Variants in SORCS3 observed in about 807,000 individuals in gnomAD.
SORCS3 encodes VPS10 domain-containing receptor SorCS3.
Under a neutral mutation model 146.3 loss-of-function variants are expected in SORCS3, and 57 were observed. The ratio of observed to expected loss-of-function variants is 0.39; its 90% CI spans 0.31 to 0.49. The LOEUF is 0.49. SORCS3 is among the 20% of genes least tolerant of loss of function. The pLI is 0.92. For synonymous variants in SORCS3, 653 were observed against 618.5 expected, an observed-to-expected ratio of 1.06 and a Z score of -0.83; for missense variants, 1,341 against 1,575.5, an observed-to-expected ratio of 0.85 and a Z score of 2.52.
chr10:104,825,426 T>C (rs1035903100), intron 1 of SORCS3, among the ~76,000 whole-genome samples: 1 of 152,232 alleles, frequency 6.6e-6, no homozygotes, highest in Non-Finnish European at 1.5e-5. Flanking sequence ...GCTTTCACTT[T>C]TTCTCAAAGA....
At chr10:105,120,036 A>G (rs905348588) in intron 7 of SORCS3, among the ~76,000 whole-genome samples, 2 of 152,138 alleles carry the variant, frequency 1.3e-5, no homozygotes, top group Non-Finnish European at 2.9e-5. Context: ...TCCAAATTTC[A>G]TCTTGAATTA....
At chr10:104,742,776 G>C (rs2016863557) in intron 1 of SORCS3, among the ~76,000 whole-genome samples, 1 of 152,102 alleles carries the variant, frequency 6.6e-6, no homozygotes, top group Admixed American at 6.5e-5. Flanking sequence ...GGAGACTCAG[G>C]GCAGTCAGTG....
At chr10:104,958,601 T>C (rs1018307990) in intron 3 of SORCS3, among the ~76,000 whole-genome samples, 2 of 152,032 alleles carry the variant, frequency 1.3e-5, no homozygotes, top group Non-Finnish European at 2.9e-5. Context: ...GCTTTGAAGA[T>C]GGAAGGGGCC....
chr10:104,879,817 G>A (rs945939225), intron 2 of SORCS3, among the ~76,000 whole-genome samples: 6 of 152,188 alleles, frequency 3.9e-5, no homozygotes, highest in African/African-American at 4.8e-5. Context: ...TCAGACCCAC[G>A]CTTCCCCTTG....
chr10:105,079,346 G>T (rs1199566623), intron 5 of SORCS3, among the ~76,000 whole-genome samples: 3 of 152,190 alleles, frequency 2.0e-5, no homozygotes, highest in African/African-American at 7.2e-5. Flanking sequence ...CCCGGGTCAT[G>T]AGCTTTCACA....
chr10:104,642,013 GGTGGGT>G, intron 1 of SORCS3, 59 bp downstream of exon 1: 3 of 1,404,038 alleles, frequency 2.1e-6, no homozygotes, highest in South Asian at 2.7e-5. Context: ...GGAATGGGGG[GGTGGGT>G]GGGAGCGAGG....
intron 1 of SORCS3, among the ~76,000 whole-genome samples, chr10:104,761,803 A>G (rs974281027): frequency 4.6e-5 from 7 of 152,168 alleles, no homozygotes; most frequent in African/African-American, 1.4e-4. Flanking sequence ...AAGCGTTGAC[A>G]TGATACAAAG....
rs1564793651 is a variant in SORCS3, at chr10:105,242,596, G to GTATATATATTTATATATA, written c.2869-2945_2869-2944insATATATATTTATATATAT. ...TATATATTTATATATATTTATATAT[G>GTATATATATTTATATATA]TTTATATACATTTATATATATTTAT... On this transcript the variant is annotated intron_variant, in intron 20 of 26. Transcript: ENST00000369701. 1.6e-4 allele frequency among the ~76,000 whole-genome samples: 11 copies of GTATATATATTTATATATA among 69,554 alleles called. No individual in the cohort carries two copies. In the East Asian group the frequency reaches 5.3e-3, roughly 34 times the overall value. The allele number at this position is 69,554 out of a possible 152,430, so 45.6% of individuals were successfully genotyped here. A position where few individuals can be genotyped will look rare whatever the true frequency, so the allele number is the denominator to read the frequency against.
At chr10:104,779,879 G>A (rs2017353589) in intron 1 of SORCS3, among the ~76,000 whole-genome samples, 1 of 152,214 alleles carries the variant, frequency 6.6e-6, no homozygotes, top group African/African-American at 2.4e-5. Flanking sequence ...ATTGGTGAGG[G>A]CGGTGTATGT....
chr10:104,973,585 T>C (rs913590287), intron 3 of SORCS3, among the ~76,000 whole-genome samples: 14 of 150,620 alleles, frequency 9.3e-5, no homozygotes, highest in African/African-American at 3.4e-4. Flanking sequence ...TTCTTCTCTC[T>C]TTTTTTCTTT....
At chr10:104,859,724 A>G in intron 2 of SORCS3, among the ~76,000 whole-genome samples, 1 of 152,212 alleles carries the variant, frequency 6.6e-6, no homozygotes, top group Non-Finnish European at 1.5e-5. Context: ...ATTTACAAGA[A>G]AAAAGCAAAC....
chr10:105,007,874 C>G (rs1405016558), intron 4 of SORCS3, among the ~76,000 whole-genome samples: 3 of 152,162 alleles, frequency 2.0e-5, no homozygotes, highest in Non-Finnish European at 2.9e-5. Context: ...AGGACATAAG[C>G]TAGAACTCCA....
chr10:105,158,589 G>C (rs1332919244), intron 10 of SORCS3, among the ~76,000 whole-genome samples: 3 of 152,052 alleles, frequency 2.0e-5, no homozygotes, highest in Non-Finnish European at 4.4e-5. Context: ...GGTCAAGGAG[G>C]CTTCATAAAG....
chr10:104,904,346 G>A lies in SORCS3; in HGVS notation c.696-11487G>A, dbSNP rs118125607. On this transcript the variant is annotated intron_variant, in intron 2 of 26. Coordinates refer to ENST00000369701, the MANE Select transcript of SORCS3 (RefSeq NM_014978.3). Reference sequence around the variant, plus strand: ...TACATTGTTAATAGAAGTGCAGACTGGCCAGAGTATGTCTGTAAGGCACTT... The same window carrying A: ...TACATTGTTAATAGAAGTGCAGACTAGCCAGAGTATGTCTGTAAGGCACTT... 2.9e-3 allele frequency among the ~76,000 whole-genome samples: 442 copies of A among 152,278 alleles called. 1 individual carries two copies. Among genetic ancestry groups the A allele is most frequent in the Non-Finnish European group, 5.4e-3 (364 of 68,018 alleles).
chr10:104,840,999 G>A lies in SORCS3; in HGVS notation c.628-1793G>A, dbSNP rs1267290627. On this transcript the variant is annotated intron_variant, in intron 1 of 26. Coordinates refer to ENST00000369701, the MANE Select transcript of SORCS3 (RefSeq NM_014978.3). ...TGCTTTTACACGGTGACTTTAAGAA[G>A]GACTTGGTACATGAAATAAGGTCAA... 1.4e-4 allele frequency among the ~76,000 whole-genome samples: 22 copies of A among 152,128 alleles called. 1 individual carries two copies. The highest frequency in any genetic ancestry group is 1.4e-3 in the Admixed American group (22 of 15,274).
chr10:105,201,306 T>G, intron 16 of SORCS3, 53 bp downstream of exon 16: 2 of 1,552,598 alleles, frequency 1.3e-6, no homozygotes, highest in Non-Finnish European at 1.7e-6. Flanking sequence ...CACCTGTCTG[T>G]GGGGTGGGGT....
At chr10:104,905,171 T>C (rs766636258) in intron 2 of SORCS3, among the ~76,000 whole-genome samples, 27 of 152,340 alleles carry the variant, frequency 1.8e-4, no homozygotes, top group Non-Finnish European at 3.1e-4. Context: ...ATGATGTGCA[T>C]GTAACACAGC....
chr10:104,773,935 T>C (rs2017279966), intron 1 of SORCS3, among the ~76,000 whole-genome samples: 1 of 152,164 alleles, frequency 6.6e-6, no homozygotes, highest in Non-Finnish European at 1.5e-5. Context: ...AAAGGTAGAC[T>C]CTCCCACCCT....
intron 4 of SORCS3, among the ~76,000 whole-genome samples, chr10:105,038,180 G>C (rs1293319926): frequency 6.6e-6 from 1 of 152,160 alleles, no homozygotes; most frequent in African/African-American, 2.4e-5. Flanking sequence ...CTGGGAGAGG[G>C]TATCATGTGG....
Sources: gnomAD v4.1 joint callset for allele counts (sites outside exome capture counted in the v4.1 genomes callset) on GRCh38, gnomAD v4.1.1 for gene constraint, MANE v1.5 for transcripts, NCBI Gene and HGNC (gene_info 2026-07-23, HGNC 2026-07-21) for gene names.